NUAK1: variants seen among roughly 807,000 people sequenced by gnomAD.
The protein encoded by NUAK1 is NUAK family SNF1-like kinase 1.
Under a neutral mutation model 56.9 loss-of-function variants are expected in NUAK1, and 26 were observed. That is an observed-to-expected ratio of 0.46 (90% CI 0.33 to 0.63). The LOEUF (loss-of-function observed/expected upper bound fraction) is 0.63, where lower values mean the gene tolerates loss of function less well. Among genes scored for constraint, NUAK1 ranks in the 30% least tolerant of loss-of-function variants. The pLI is 0.02. For missense variants in NUAK1, 727 were observed against 876.1 expected, an observed-to-expected ratio of 0.83 and a Z score of 2.15; for synonymous variants, 337 against 336.0, an observed-to-expected ratio of 1.00 and a Z score of -0.03.
chr12:106,134,267 C>T lies in NUAK1; in HGVS notation c.240+4147G>A, dbSNP rs914121612. The stretch of plus-strand genomic sequence containing the variant: ...AGCTGCAACATGGCACTTCTGCCAC[C>T]GTGCATGTGACGTCAACACACCTCC... On this transcript the variant is annotated intron_variant, in intron 1 of 6. Coordinates refer to ENST00000261402, the MANE Select transcript of NUAK1 (RefSeq NM_014840.3). Among the ~76,000 whole-genome samples the T allele has an allele frequency of 3.9e-5, 6 of 152,236 alleles. 1 individual carries two copies. Among genetic ancestry groups the T allele is most frequent in the Non-Finnish European group, 5.9e-5 (4 of 68,042 alleles).
chr12:106,133,370 C>T (rs778014047), intron 1 of NUAK1, among the ~76,000 whole-genome samples: 1 of 152,126 alleles, frequency 6.6e-6, no homozygotes, highest in African/African-American at 2.4e-5. Flanking sequence ...GAAGGGTGGG[C>T]GATCACCCCA....
rs1471015156 is a variant in NUAK1, at chr12:106,083,758, A to G, written c.579+106T>C. On this transcript the variant is annotated intron_variant, in intron 4 of 6. Coordinates refer to ENST00000261402, the MANE Select transcript of NUAK1 (RefSeq NM_014840.3). ...ACTCTTCCCCACCAGCCTGCCAGGT[A>G]GGAAGTGGCTGCCTTATTTCCAGGC... 5 of 892,760 alleles carry G rather than the reference A, an allele frequency of 5.6e-6. No individual in the cohort carries two copies. The African/African-American group carries it at 8.2e-5, about 15-fold the overall frequency. The allele number at this position is 892,760 out of a possible 1,614,324, so 55.3% of individuals were successfully genotyped here.
intron 1 of NUAK1, among the ~76,000 whole-genome samples, chr12:106,116,758 A>G (rs2032921203): frequency 6.6e-6 from 1 of 152,212 alleles, no homozygotes; most frequent in Non-Finnish European, 1.5e-5. Flanking sequence ...TCGAGGCCGC[A>G]CTGCCTTGTC....
intron 4 of NUAK1, among the ~76,000 whole-genome samples, chr12:106,080,273 CTG>C (rs1232916729): frequency 6.6e-6 from 1 of 152,212 alleles, no homozygotes. Context: ...CCCCTCTACT[CTG>C]AGCCCTGGGA....
chr12:106,086,224 A>G (rs2032569360), intron 3 of NUAK1, among the ~76,000 whole-genome samples: 1 of 152,234 alleles, frequency 6.6e-6, no homozygotes, highest in African/African-American at 2.4e-5. Context: ...ATCAAGAATT[A>G]CAAAGAATTT....
chr12:106,074,028 A>C (rs1437735603), intron 4 of NUAK1, among the ~76,000 whole-genome samples: 1 of 152,054 alleles, frequency 6.6e-6, no homozygotes, highest in Non-Finnish European at 1.5e-5. Context: ...CATATGTACA[A>C]ATATACACAT....
chr12:106,080,919 T>C (rs1046998021), intron 4 of NUAK1, among the ~76,000 whole-genome samples: 3 of 152,234 alleles, frequency 2.0e-5, no homozygotes, highest in Admixed American at 1.3e-4. Context: ...TGTGGCCATG[T>C]ATCTGCCTGC....
Position 106,064,616 on chromosome 12 carries a change from T to A in NUAK1, c.*2186A>T, listed in dbSNP as rs2032313952. On this transcript the variant is annotated 3_prime_UTR_variant, in exon 7 of 7. Coordinates refer to ENST00000261402, the MANE Select transcript of NUAK1 (RefSeq NM_014840.3). Reference sequence around the variant, plus strand: ...TCACTTGGCAAAAGGAAAAAACACATCAACCAGTAGGTAGGAGCTAGATCT... The same window carrying A: ...TCACTTGGCAAAAGGAAAAAACACAACAACCAGTAGGTAGGAGCTAGATCT... The A allele has an allele frequency of 6.6e-6, 1 of 152,214 alleles. No individual in the cohort carries two copies. The highest frequency in any genetic ancestry group is 6.5e-5 in the Admixed American group (1 of 15,268). 9.4% of individuals were successfully genotyped at this position (152,214 alleles called of 1,614,324 possible). A position where few individuals can be genotyped will look rare whatever the true frequency, so the allele number is the denominator to read the frequency against.
At chr12:106,103,726 G>T (rs986446417) in intron 2 of NUAK1, among the ~76,000 whole-genome samples, 2 of 152,156 alleles carry the variant, frequency 1.3e-5, no homozygotes, top group Non-Finnish European at 2.9e-5. Flanking sequence ...CCTATATGTT[G>T]TGGAAGGGAC....
Position 106,064,793 on chromosome 12 carries a change from A to ACCCCCCCCCCCCCCCCCCC in NUAK1, c.*2008_*2009insGGGGGGGGGGGGGGGGGGG, listed in dbSNP as rs57837292. 8.7e-6 allele frequency: 1 copy of ACCCCCCCCCCCCCCCCCCC among 114,576 alleles called. No homozygotes were observed. The highest frequency in any genetic ancestry group is 1.8e-5 in the Non-Finnish European group (1 of 54,358). 7.1% of individuals were successfully genotyped at this position (114,576 alleles called of 1,614,324 possible). On this transcript the variant is annotated 3_prime_UTR_variant, in exon 7 of 7. Coordinates refer to ENST00000261402, the MANE Select transcript of NUAK1 (RefSeq NM_014840.3). ...TTGTCCTCCATGCACCCACACCCCCACCCCCCCCCACACACACAATTTGCT... is the reference window on the plus strand; with the variant it reads ...TTGTCCTCCATGCACCCACACCCCCACCCCCCCCCCCCCCCCCCCCCCCCCCCCACACACACAATTTGCT...
At chr12:106,108,260 A>G (rs73397169) in intron 1 of NUAK1, among the ~76,000 whole-genome samples, 3,723 of 152,300 alleles carry the variant, frequency 0.024, 152 homozygotes, top group African/African-American at 0.084. Context: ...TTTAACATCT[A>G]TCTACACAGG....
chr12:106,093,856 T>C (rs974173217), intron 2 of NUAK1, among the ~76,000 whole-genome samples: 1 of 152,186 alleles, frequency 6.6e-6, no homozygotes, highest in Non-Finnish European at 1.5e-5. Flanking sequence ...GGGAGTGCAG[T>C]GGCAAGATCT....
At chr12:106,080,844 TG>T (rs1335948097) in intron 4 of NUAK1, among the ~76,000 whole-genome samples, 4 of 152,164 alleles carry the variant, frequency 2.6e-5, no homozygotes, top group African/African-American at 9.6e-5. Flanking sequence ...TCGTGGCTCG[TG>T]TGTCTGTGGT....
At chr12:106,115,114 C>T (rs1237360858) in intron 1 of NUAK1, among the ~76,000 whole-genome samples, 1 of 152,176 alleles carries the variant, frequency 6.6e-6, no homozygotes, top group African/African-American at 2.4e-5. Context: ...TAACTTCAGG[C>T]CACTACTGAA....
intron 1 of NUAK1, among the ~76,000 whole-genome samples, chr12:106,124,652 T>C (rs1269052890): frequency 6.6e-6 from 1 of 152,156 alleles, no homozygotes; most frequent in African/African-American, 2.4e-5. Context: ...ACGTCATCTG[T>C]CTCACCATGG....
Position 106,072,089 on chromosome 12 carries a change from T to G in NUAK1, c.699+635A>C, listed in dbSNP as rs143076611. Among the ~76,000 whole-genome samples, 274 of 152,324 alleles carry G rather than the reference T, an allele frequency of 1.8e-3. 2 individuals carry two copies. Among genetic ancestry groups the G allele is most frequent in the African/African-American group, 5.7e-3 (238 of 41,586 alleles). On this transcript the variant is annotated intron_variant, in intron 5 of 6. Transcript: ENST00000261402. ...AGCGCTAGCATGTAGGGAAATGTAT[T>G]TCTCATGAATTAGAAGATGTCATTA...
rs528084431 is a variant in NUAK1 at position 106,085,485 on chromosome 12, A to C, written c.513+1249T>G. On this transcript the variant is annotated intron_variant, in intron 3 of 6. Transcript: ENST00000261402. Reference sequence around the variant, plus strand: ...CCATGTTGAGATCATTTATATGAAGAAGTTGACTCTGTTTTGGATGCCCTG... The same window carrying C: ...CCATGTTGAGATCATTTATATGAAGCAGTTGACTCTGTTTTGGATGCCCTG... 1.3e-5 allele frequency among the ~76,000 whole-genome samples: 2 copies of C among 152,190 alleles called. 1 individual carries two copies. Among genetic ancestry groups the C allele is most frequent in the South Asian group, 4.1e-4 (2 of 4,820 alleles).
intron 1 of NUAK1, among the ~76,000 whole-genome samples, chr12:106,133,810 C>A (rs959879519): frequency 1.3e-5 from 2 of 152,174 alleles, no homozygotes. Flanking sequence ...TGAAACAATC[C>A]TCTATGGAAG....
At position 106,115,504 on chromosome 12, in the gene NUAK1, G is replaced by A. The variant is rs541029089; in HGVS notation, c.241-8979C>T. Among the ~76,000 whole-genome samples, 5 of 152,288 alleles carry A rather than the reference G, an allele frequency of 3.3e-5. No individual in the cohort carries two copies. In the East Asian group the frequency reaches 5.8e-4, roughly 18 times the overall value. ...CAAAGCCTCTGGAGAGCACTCAGGA[G>A]CCCCCGAGGCCTCTCTCATTATCTC... On this transcript the variant is annotated intron_variant, in intron 1 of 6. Coordinates refer to ENST00000261402, the MANE Select transcript of NUAK1 (RefSeq NM_014840.3).
Sources: allele counts gnomAD v4.1 joint callset (sites outside exome capture counted in the v4.1 genomes callset), GRCh38; gene constraint gnomAD v4.1.1; transcripts MANE v1.5; gene names NCBI Gene and HGNC (gene_info 2026-07-23, HGNC 2026-07-21).